TLE1: variants seen among roughly 807,000 people sequenced by gnomAD.
TLE1 encodes the protein transducin-like enhancer protein 1.
TLE1 carries 21 observed loss-of-function variants against 89.8 expected under a neutral mutation model. The observed-to-expected ratio is 0.23, with a 90% CI of 0.17 to 0.34. The LOEUF (loss-of-function observed/expected upper bound fraction) is 0.34. TLE1 is among the 10% of genes least tolerant of loss of function. The pLI is 1.00. For synonymous variants in TLE1, 447 were observed against 407.6 expected (o/e 1.10, Z -1.16); for missense variants, 795 against 1,031.2 (o/e 0.77, Z 3.14).
Position 81,620,527 on chromosome 9 carries a change from T to C in TLE1, c.625A>G (p.Arg209Gly). ...SNSLLVPDSLRGTDKRRNGPE... is the reference protein window; with the variant it reads ...SNSLLVPDSLGGTDKRRNGPE... Reference sequence around the variant, plus strand: ...CCATTTCTGCGTTTATCTGTGCCTCTTAGACTGTCTGGGACCAGGAGGGAA... The same window carrying C: ...CCATTTCTGCGTTTATCTGTGCCTCCTAGACTGTCTGGGACCAGGAGGGAA... Residue 209 changes from arginine to glycine, a missense_variant, in exon 9 of 20, where the codon AGA (arginine) becomes GGA (glycine). Physicochemically the swap from Arg to Gly is moderately radical, Grantham distance 125. Around this residue, in one of 4 missense-constraint regions of TLE1, gnomAD observed 468 missense variants for 509.1 expected, o/e 0.92. Transcript: ENST00000376499. The C allele has an allele frequency of 6.2e-7, 1 of 1,613,924 alleles. No homozygotes were observed. Among genetic ancestry groups the C allele is most frequent in the Non-Finnish European group, 8.5e-7 (1 of 1,179,972 alleles).
rs540065946 is a variant in TLE1, at chr9:81,613,132, C to G, written c.1063+245G>C. ...GCATTCCAGCCTGGGGGGACAAGAGCGAGACTTCGTCTCAAGAAAAAAAGA... is the reference window on the plus strand; with the variant it reads ...GCATTCCAGCCTGGGGGGACAAGAGGGAGACTTCGTCTCAAGAAAAAAAGA... On this transcript the variant is annotated intron_variant, in intron 12 of 19. Coordinates refer to ENST00000376499, the MANE Select transcript of TLE1 (RefSeq NM_005077.5). Among the ~76,000 whole-genome samples, 14 of 152,250 alleles carry G rather than the reference C, an allele frequency of 9.2e-5. No homozygotes were observed. In the East Asian group the frequency reaches 2.7e-3, roughly 29 times the overall value.
intron 4 of TLE1, among the ~76,000 whole-genome samples, chr9:81,677,806 G>T (rs1419630645): frequency 6.6e-6 from 1 of 152,058 alleles, no homozygotes; most frequent in Non-Finnish European, 1.5e-5. Flanking sequence ...TCATCTAATG[G>T]ATAATGAATA....
At chr9:81,675,374 G>A (rs904057178) in intron 4 of TLE1, among the ~76,000 whole-genome samples, 4 of 152,132 alleles carry the variant, frequency 2.6e-5, no homozygotes, top group East Asian at 1.9e-4. Flanking sequence ...GAAATCTGGT[G>A]ACAAGTCAAG....
intron 4 of TLE1, among the ~76,000 whole-genome samples, chr9:81,658,054 G>A (rs1180532917): frequency 3.3e-5 from 5 of 151,580 alleles, no homozygotes; most frequent in African/African-American, 1.2e-4. Context: ...GGGATTACAG[G>A]CACGTGCCAC....
intron 4 of TLE1, among the ~76,000 whole-genome samples, chr9:81,668,398 G>A (rs543177015): frequency 6.6e-6 from 1 of 152,158 alleles, no homozygotes; most frequent in South Asian, 2.1e-4. Context: ...ATTTAGAAGA[G>A]AGTAAGCAAA....
chr9:81,684,148 T>TA (rs202210085), intron 4 of TLE1, among the ~76,000 whole-genome samples: 434 of 138,726 alleles, frequency 3.1e-3, no homozygotes, highest in East Asian at 9.3e-3. Flanking sequence ...CAGAGTAAAT[T>TA]AAAAAAAAAA....
At chr9:81,668,341 T>C (rs1048448202) in intron 4 of TLE1, among the ~76,000 whole-genome samples, 1 of 152,158 alleles carries the variant, frequency 6.6e-6, no homozygotes, top group East Asian at 1.9e-4. Flanking sequence ...TCTGGGATGC[T>C]AGCTAAATTT....
intron 4 of TLE1, among the ~76,000 whole-genome samples, chr9:81,682,837 C>A: frequency 6.6e-6 from 1 of 152,094 alleles, no homozygotes; most frequent in East Asian, 1.9e-4. Context: ...CTATAAAGGG[C>A]TCCAAGAAAA....
At chr9:81,620,759 A>G (rs1273885733) in intron 8 of TLE1, 1 of 985,018 alleles carries the variant, frequency 1.0e-6, no homozygotes, top group African/African-American at 1.7e-5. Flanking sequence ...CTTTGCAATC[A>G]AACCATCCAA....
chr9:81,628,413 C>A (rs548063990), intron 8 of TLE1, among the ~76,000 whole-genome samples: 1 of 152,200 alleles, frequency 6.6e-6, no homozygotes, highest in East Asian at 1.9e-4. Flanking sequence ...CATAGGCCTC[C>A]GGGAATGAAC....
At chr9:81,680,111 G>A (rs1353203233) in intron 4 of TLE1, among the ~76,000 whole-genome samples, 1 of 152,086 alleles carries the variant, frequency 6.6e-6, no homozygotes, top group East Asian at 1.9e-4. Context: ...GTGTATGCTG[G>A]GATGGCTCCC....
intron 6 of TLE1, among the ~76,000 whole-genome samples, chr9:81,638,820 T>C (rs536860685): frequency 2.0e-5 from 3 of 152,214 alleles, no homozygotes; most frequent in African/African-American, 7.2e-5. Flanking sequence ...AGATGAGGTT[T>C]TACCACATTG....
intron 4 of TLE1, among the ~76,000 whole-genome samples, chr9:81,674,181 A>C (rs548719147): frequency 6.6e-6 from 1 of 152,344 alleles, no homozygotes; most frequent in African/African-American, 2.4e-5. Flanking sequence ...TTGCCCTTGC[A>C]AACTGCTAAA....
chr9:81,674,833 T>C (rs779050395), intron 4 of TLE1, among the ~76,000 whole-genome samples: 3 of 151,980 alleles, frequency 2.0e-5, no homozygotes, highest in Non-Finnish European at 4.4e-5. Flanking sequence ...GAAAACCCTA[T>C]AAAAACAGGT....
intron 6 of TLE1, among the ~76,000 whole-genome samples, chr9:81,648,512 AAT>A (rs1038894382): frequency 2.6e-5 from 4 of 152,156 alleles, no homozygotes; most frequent in Non-Finnish European, 5.9e-5. Context: ...GAAAAAAACA[AAT>A]ATATGTGTGT....
chr9:81,687,385 G>A lies in TLE1; in HGVS notation c.74C>T (p.Ser25Phe). 3.1e-6 allele frequency: 5 copies of A among 1,611,314 alleles called. No individual in the cohort carries two copies. The highest frequency in any genetic ancestry group is 3.4e-6 in the Non-Finnish European group (4 of 1,179,532). ...GQPFKFTIPESLDRIKEEFQF... is the reference protein window; with the variant it reads ...GQPFKFTIPEFLDRIKEEFQF... Reference sequence around the variant, plus strand: ...GAATTCCTCTTTAATCCGGTCCAGGGACTCCGGGATAGTGAACTTGAAGGG... The same window carrying A: ...GAATTCCTCTTTAATCCGGTCCAGGAACTCCGGGATAGTGAACTTGAAGGG... Residue 25 changes from serine to phenylalanine, a missense_variant, in exon 2 of 20, where the codon TCC becomes TTC. By Grantham distance (155) the Ser-to-Phe change is radical. Transcript: ENST00000376499.
At chr9:81,605,173 T>C (rs1831471967) in intron 14 of TLE1, among the ~76,000 whole-genome samples, 3 of 152,210 alleles carry the variant, frequency 2.0e-5, no homozygotes, top group Admixed American at 2.0e-4. Flanking sequence ...TGTATAACTT[T>C]TAACGCCTTG....
chr9:81,620,627 T>A (rs771555750), intron 8 of TLE1, 70 bp from the exon 9 acceptor site: 3 of 1,557,980 alleles, frequency 1.9e-6, no homozygotes, highest in East Asian at 4.5e-5. Flanking sequence ...CCAACCTCGA[T>A]GTGAGAACTA....
intron 12 of TLE1, 72 bp from the exon 13 acceptor site, chr9:81,612,031 C>T: frequency 1.6e-6 from 2 of 1,220,002 alleles, no homozygotes; most frequent in Non-Finnish European, 2.2e-6. Flanking sequence ...AGTCTGGCCT[C>T]ATCATTTGTT....
Sources: allele counts gnomAD v4.1 joint callset (sites outside exome capture counted in the v4.1 genomes callset), GRCh38; gene constraint gnomAD v4.1.1; regional missense constraint gnomAD v4.1.1; transcripts MANE v1.5; gene names NCBI Gene and HGNC (gene_info 2026-07-23, HGNC 2026-07-21).